Variants in UVRAG observed in about 807,000 individuals in gnomAD.
UVRAG encodes UV radiation resistance-associated gene protein.
In UVRAG, 19 loss-of-function variants were observed where a neutral mutation model predicts 78.0. The ratio of observed to expected loss-of-function variants is 0.24; its 90% CI spans 0.17 to 0.36. UVRAG has a LOEUF of 0.36. UVRAG is among the 10% of genes least tolerant of loss of function. The pLI is 1.00. For missense variants in UVRAG, 740 were observed against 853.8 expected (o/e 0.87, Z 1.66); for synonymous variants, 323 against 324.6 (o/e 1.00, Z 0.05).
chr11:75,928,603 A>T (rs1472359766), intron 6 of UVRAG, among the ~76,000 whole-genome samples: 1 of 151,828 alleles, frequency 6.6e-6, no homozygotes, highest in African/African-American at 2.4e-5. Context: ...TGCCTCAGAA[A>T]AAAAAAAAGG....
chr11:76,090,839 A>G lies in UVRAG; in HGVS notation c.1305+25051A>G, dbSNP rs530079455. On this transcript the variant is annotated intron_variant, in intron 13 of 14. Coordinates refer to ENST00000356136, the MANE Select transcript of UVRAG (RefSeq NM_003369.4). ...AAATTACATATCGGGTATTCACACA[A>G]TTTCATCTTTGGGAGAAATCTCTCC... 1.1e-3 allele frequency among the ~76,000 whole-genome samples: 174 copies of G among 152,250 alleles called. 1 individual carries two copies. In the South Asian group the frequency reaches 0.028, roughly 24 times the overall value.
intron 13 of UVRAG, among the ~76,000 whole-genome samples, chr11:76,099,177 C>CA (rs551831123): frequency 9.9e-5 from 15 of 152,234 alleles, no homozygotes; most frequent in African/African-American, 3.1e-4. Context: ...GCAGTTCCCC[C>CA]AAAAAAGTCT....
chr11:75,942,461 C>G (rs1354041605), intron 6 of UVRAG: 1 of 152,076 alleles, frequency 6.6e-6, no homozygotes, highest in Non-Finnish European at 1.5e-5. Context: ...TTTCGGATCT[C>G]CACAAACAGC....
chr11:76,134,908 G>A (rs1049503121), intron 14 of UVRAG, among the ~76,000 whole-genome samples: 3 of 152,104 alleles, frequency 2.0e-5, no homozygotes, highest in Non-Finnish European at 2.9e-5. Flanking sequence ...GTTAAGAACC[G>A]GGCCGCACAG....
chr11:76,087,089 G>GATTAAGGA (rs1951601475), intron 13 of UVRAG, among the ~76,000 whole-genome samples: 2 of 152,170 alleles, frequency 1.3e-5, no homozygotes, highest in Non-Finnish European at 1.5e-5. Flanking sequence ...GAGATTTGCT[G>GATTAAGGA]CCTATGCAGT....
At chr11:76,079,706 C>A (rs1231458404) in intron 13 of UVRAG, among the ~76,000 whole-genome samples, 1 of 152,074 alleles carries the variant, frequency 6.6e-6, no homozygotes, top group Non-Finnish European at 1.5e-5. Context: ...ATATACTTAC[C>A]CTCACAATTT....
rs753704086 is a variant in UVRAG at position 75,859,236 on chromosome 11, G to A, written c.236-2510G>A. Among the ~76,000 whole-genome samples, 30 of 152,114 alleles carry A rather than the reference G, an allele frequency of 2.0e-4. 1 individual carries two copies. Among genetic ancestry groups the A allele is most frequent in the East Asian group, 1.9e-3 (10 of 5,168 alleles). On this transcript the variant is annotated intron_variant, in intron 2 of 14. Coordinates refer to ENST00000356136, the MANE Select transcript of UVRAG (RefSeq NM_003369.4). Reference sequence around the variant, plus strand: ...CTAAAAATACAAAAATTAGCCGGGCGGTGGTGGTGTGCACCTGCAATCCCA... The same window carrying A: ...CTAAAAATACAAAAATTAGCCGGGCAGTGGTGGTGTGCACCTGCAATCCCA...
chr11:75,890,944 ATTG>A (rs1947201457), intron 5 of UVRAG, among the ~76,000 whole-genome samples: 1 of 150,578 alleles, frequency 6.6e-6, no homozygotes, highest in Non-Finnish European at 1.5e-5. Flanking sequence ...TGTTGTTGTT[ATTG>A]TTGTTTGTCT....
At chr11:76,101,382 TG>T (rs1951877244) in intron 13 of UVRAG, among the ~76,000 whole-genome samples, 1 of 152,138 alleles carries the variant, frequency 6.6e-6, no homozygotes, top group Non-Finnish European at 1.5e-5. Context: ...GTTGGTTGCA[TG>T]TATACTTTTG....
chr11:76,007,704 T>C (rs1245614773), intron 10 of UVRAG, 83 bp downstream of exon 10: 1 of 1,063,116 alleles, frequency 9.4e-7, no homozygotes, highest in Non-Finnish European at 1.4e-6. Flanking sequence ...AAAAAACTCA[T>C]TGCTTTAGGC....
intron 3 of UVRAG, among the ~76,000 whole-genome samples, chr11:75,862,469 C>T (rs1283387011): frequency 1.3e-5 from 2 of 152,212 alleles, no homozygotes; most frequent in Admixed American, 6.5e-5. Context: ...TGGTCCAGTA[C>T]CATCTTGGAT....
intron 6 of UVRAG, among the ~76,000 whole-genome samples, chr11:75,956,874 A>T (rs369851967): frequency 6.6e-6 from 1 of 151,890 alleles, no homozygotes; most frequent in African/African-American, 2.4e-5. Context: ...GGCCATTCTT[A>T]TATCTTCTTT....
At chr11:76,054,837 C>T (rs991636205) in intron 12 of UVRAG, among the ~76,000 whole-genome samples, 3 of 152,176 alleles carry the variant, frequency 2.0e-5, no homozygotes, top group Non-Finnish European at 2.9e-5. Flanking sequence ...AGAAGAGTGC[C>T]TATCACAAGG....
chr11:76,037,539 CAAAA>C (rs61354759), intron 12 of UVRAG, among the ~76,000 whole-genome samples: 22 of 48,522 alleles, frequency 4.5e-4, no homozygotes, highest in Non-Finnish European at 9.8e-4. Context: ...TTTGTCTTTA[CAAAA>C]AAAAAAAAAA....
At chr11:75,997,777 C>CA (rs1421354632) in intron 8 of UVRAG, among the ~76,000 whole-genome samples, 1 of 152,152 alleles carries the variant, frequency 6.6e-6, no homozygotes, top group Non-Finnish European at 1.5e-5. Flanking sequence ...ATAGAACCAT[C>CA]AGAGGCTTCA....
intron 5 of UVRAG, among the ~76,000 whole-genome samples, chr11:75,889,673 T>C (rs1947174047): frequency 6.6e-6 from 1 of 152,212 alleles, no homozygotes; most frequent in African/African-American, 2.4e-5. Flanking sequence ...AGTACTTCAT[T>C]TATTCAACAA....
intron 5 of UVRAG, among the ~76,000 whole-genome samples, chr11:75,897,480 T>C (rs1191115759): frequency 6.6e-6 from 1 of 152,172 alleles, no homozygotes; most frequent in East Asian, 1.9e-4. Context: ...GCAAGTTAGC[T>C]CTATGCTACA....
intron 1 of UVRAG, among the ~76,000 whole-genome samples, chr11:75,822,679 T>TA (rs59814532): frequency 0.052 from 7,834 of 151,062 alleles, 649 homozygotes; most frequent in African/African-American, 0.18. Context: ...TTTTTTTTTT[T>TA]AAATAAACAA....
At chr11:76,078,661 T>C (rs1419729502) in intron 13 of UVRAG, among the ~76,000 whole-genome samples, 2 of 147,182 alleles carry the variant, frequency 1.4e-5, no homozygotes, top group Admixed American at 7.1e-5. Context: ...CCCAGCACTT[T>C]GGGAGGCCGA....
Sources: allele counts gnomAD v4.1 joint callset (sites outside exome capture counted in the v4.1 genomes callset), GRCh38; gene constraint gnomAD v4.1.1; transcripts MANE v1.5; gene names NCBI Gene and HGNC (gene_info 2026-07-23, HGNC 2026-07-21).